The following PDE9A variants were observed in gnomAD, a reference collection of about 807,000 sequenced individuals.
The protein encoded by PDE9A is phosphodiesterase 9A.
In PDE9A, 60 loss-of-function variants were observed where a neutral mutation model predicts 87.4. That is an observed-to-expected ratio of 0.69 (90% CI 0.56 to 0.85). PDE9A has a LOEUF of 0.85. PDE9A is among the 40% of genes least tolerant of loss of function. The pLI, the probability that PDE9A is intolerant of heterozygous loss-of-function variation, is 0.00. For missense variants in PDE9A, 665 were observed against 779.0 expected, an observed-to-expected ratio of 0.85 and a Z score of 1.74; for synonymous variants, 272 against 279.4, an observed-to-expected ratio of 0.97 and a Z score of 0.27.
chr21:42,667,986 C>G (rs2058122155), intron 1 of PDE9A, among the ~76,000 whole-genome samples: 1 of 152,030 alleles, frequency 6.6e-6, no homozygotes, highest in Non-Finnish European at 1.5e-5. Context: ...GACATCCAAG[C>G]TCTCTGGGTC....
rs1167171258 is a variant in PDE9A, at chr21:42,696,182, T to C, written c.219-2786T>C. 1.3e-5 allele frequency among the ~76,000 whole-genome samples: 2 copies of C among 152,168 alleles called. No individual in the cohort carries two copies. Among genetic ancestry groups the C allele is most frequent in the Non-Finnish European group, 2.9e-5 (2 of 68,030 alleles). On this transcript the variant is annotated intron_variant, in intron 3 of 19. Coordinates refer to ENST00000291539, the MANE Select transcript of PDE9A (RefSeq NM_002606.3). This position sits in a 1 kb window ranked among gnomAD's most constrained non-coding sequence, Gnocchi z 5.1. ...TGCCCCTGTATGAGGGGAAGTTGTC[T>C]TGGTAAGCCTGTTTTTGTGTCAGGT...
At chr21:42,769,879 A>G (rs967647717) in intron 17 of PDE9A, among the ~76,000 whole-genome samples, 14 of 152,032 alleles carry the variant, frequency 9.2e-5, no homozygotes, top group African/African-American at 3.1e-4. Flanking sequence ...TGCTCCCCAC[A>G]GCCTGGCCCG....
chr21:42,662,777 CCACA>C (rs199499714), intron 1 of PDE9A, among the ~76,000 whole-genome samples: 1 of 126,886 alleles, frequency 7.9e-6, no homozygotes, highest in Non-Finnish European at 1.6e-5. Flanking sequence ...AGGACACACA[CCACA>C]CACACACACC....
intron 1 of PDE9A, among the ~76,000 whole-genome samples, chr21:42,684,804 G>A (rs995963230): frequency 1.2e-4 from 18 of 152,118 alleles, no homozygotes; most frequent in African/African-American, 4.1e-4. Flanking sequence ...ACCTTTGACC[G>A]ACCGTTACCC....
At chr21:42,685,461 GGCA>G (rs148618475) in intron 1 of PDE9A, among the ~76,000 whole-genome samples, 2 of 102,880 alleles carry the variant, frequency 1.9e-5, no homozygotes, top group African/African-American at 1.1e-4. Flanking sequence ...AATACCGAAA[GGCA>G]GTCTTTTTTT....
At chr21:42,769,493 AGGC>A (rs1403947775) in intron 17 of PDE9A, among the ~76,000 whole-genome samples, 26 of 9,694 alleles carry the variant, frequency 2.7e-3, no homozygotes, top group Non-Finnish European at 5.7e-3. Context: ...CATGCACACA[AGGC>A]ACGCAGGTAC....
chr21:42,683,480 A>G (rs1008236090), intron 1 of PDE9A, among the ~76,000 whole-genome samples: 2 of 152,182 alleles, frequency 1.3e-5, no homozygotes, highest in Non-Finnish European at 2.9e-5. Context: ...ATTTTATAGC[A>G]GAGGAAATTT....
chr21:42,670,299 A>G (rs1404441146), intron 1 of PDE9A, among the ~76,000 whole-genome samples: 1 of 144,018 alleles, frequency 6.9e-6, no homozygotes, highest in African/African-American at 2.8e-5. Flanking sequence ...ACATTCACAC[A>G]CATACACTTA....
chr21:42,723,539 G>T lies in PDE9A; in HGVS notation c.263-8231G>T, dbSNP rs1602273964. Reference sequence around the variant, plus strand: ...AATCTTCTGCCTTTATGAAAGTCATGGTATCTAGAGGTAAATCCCCATCAG... The same window carrying T: ...AATCTTCTGCCTTTATGAAAGTCATTGTATCTAGAGGTAAATCCCCATCAG... On this transcript the variant is annotated intron_variant, in intron 4 of 19. Coordinates refer to ENST00000291539, the MANE Select transcript of PDE9A (RefSeq NM_002606.3). The surrounding 1 kb of genome is among the most constrained non-coding windows in gnomAD (Gnocchi z 4.3). 6.6e-6 allele frequency among the ~76,000 whole-genome samples: 1 copy of T among 152,264 alleles called. No individual in the cohort carries two copies. The highest frequency in any genetic ancestry group is 1.9e-4 in the East Asian group (1 of 5,176).
rs7277931 is a variant in PDE9A at position 42,666,728 on chromosome 21, C to T, written c.69+12845C>T. ...ACAAGGACATCTCATTTTAAAGGCC[C>T]GGTCTCCAAATAAGGTCATATCGTG... On this transcript the variant is annotated intron_variant, in intron 1 of 19. Transcript: ENST00000291539. 2.7e-3 allele frequency among the ~76,000 whole-genome samples: 410 copies of T among 152,286 alleles called. 2 individuals carry two copies. The highest frequency in any genetic ancestry group is 9.5e-3 in the African/African-American group (395 of 41,566).
intron 4 of PDE9A, among the ~76,000 whole-genome samples, chr21:42,717,265 T>C (rs2050017918): frequency 6.6e-6 from 1 of 151,166 alleles, no homozygotes; most frequent in African/African-American, 2.4e-5. Flanking sequence ...AGTAACTAAT[T>C]CTCTCAGCTT....
intron 1 of PDE9A, among the ~76,000 whole-genome samples, chr21:42,669,595 C>T (rs1817088443): frequency 6.6e-6 from 1 of 152,190 alleles, no homozygotes; most frequent in South Asian, 2.1e-4. Context: ...ACAACCCACA[C>T]CCCACTTGGC....
chr21:42,732,641 G>A (rs1328672545), intron 6 of PDE9A, among the ~76,000 whole-genome samples: 2 of 152,240 alleles, frequency 1.3e-5, no homozygotes, highest in Non-Finnish European at 2.9e-5. Context: ...TTGGCCGGGT[G>A]CGGTGGCTCA....
chr21:42,689,109 A>G lies in PDE9A; in HGVS notation c.218+1115A>G, dbSNP rs535281082. 7.4e-4 allele frequency among the ~76,000 whole-genome samples: 88 copies of G among 119,436 alleles called. No homozygotes were observed. The South Asian group carries it at 0.023, about 31-fold the overall frequency. 78.4% of individuals were successfully genotyped at this position (119,436 alleles called of 152,430 possible). A position where few individuals can be genotyped will look rare whatever the true frequency, so the allele number is the denominator to read the frequency against. On this transcript the variant is annotated intron_variant, in intron 3 of 19. Transcript: ENST00000291539. ...TCGTGGGTGTGGCCAGCACCATCCC[A>G]CTCAGCGAGGTCCCAGTGGACATGG...
intron 4 of PDE9A, among the ~76,000 whole-genome samples, chr21:42,715,246 ATTG>A: frequency 6.8e-6 from 1 of 147,004 alleles, no homozygotes; most frequent in South Asian, 2.1e-4. Flanking sequence ...TCACGGCAAA[ATTG>A]AGTGAAAAGT....
intron 3 of PDE9A, chr21:42,697,515 A>C: frequency 6.9e-7 from 1 of 1,442,844 alleles, no homozygotes; most frequent in Middle Eastern, 1.7e-4. Flanking sequence ...GTTTGTCTTC[A>C]TCTTCTTAAC....
intron 1 of PDE9A, among the ~76,000 whole-genome samples, chr21:42,663,951 G>T (rs560660420): frequency 2.8e-4 from 42 of 152,226 alleles, no homozygotes; most frequent in Non-Finnish European, 4.9e-4. Flanking sequence ...CCAGGTCCTT[G>T]CTGGGGTCTG....
At position 42,732,075 on chromosome 21, in the gene PDE9A, G is replaced by A; in HGVS notation, c.448G>A (p.Glu150Lys). The A allele has an allele frequency of 1.9e-6, 3 of 1,614,230 alleles. No individual in the cohort carries two copies. The highest frequency in any genetic ancestry group is 2.5e-6 in the Non-Finnish European group (3 of 1,179,998). The change falls in exon 6 of 20, where the codon GAA (glutamate) becomes AAA (lysine). Residue 150 changes from glutamate to lysine, a missense_variant. Physicochemically the swap from Glu to Lys is moderately conservative, Grantham distance 56 (BLOSUM62 1). Transcript: ENST00000291539. ...CTTTCTTCTTTGGTTTGTAGAGAGAGAAGAATTAATCCAGAGCGTGCTGGC... is the reference window on the plus strand; with the variant it reads ...CTTTCTTCTTTGGTTTGTAGAGAGAAAAGAATTAATCCAGAGCGTGCTGGC... ...QEGQRIPPER[E>K]ELIQSVLAQV...
Position 42,760,854 on chromosome 21 carries a change from C to G in PDE9A, c.1032C>G (p.Ile344Met). 3.7e-6 allele frequency: 6 copies of G among 1,610,426 alleles called. No homozygotes were observed. Among genetic ancestry groups the G allele is most frequent in the Non-Finnish European group, 5.1e-6 (6 of 1,176,890 alleles). The change falls in exon 13 of 20, where the codon ATC becomes ATG. Residue 344 changes from isoleucine to methionine, a missense_variant. Ile to Met is a conservative substitution (Grantham distance 10). Transcript: ENST00000291539. The surrounding 1 kb of genome is among the most constrained non-coding windows in gnomAD (Gnocchi z 5.2). ...AGTTCTCACAAACGGATATCCTGAT[C>G]CTAATGACAGCGGCCATCTGCCACG... ...QEKFSQTDIL[I>M]LMTAAICHDL...
Sources: gnomAD v4.1 joint callset for allele counts (sites outside exome capture counted in the v4.1 genomes callset) on GRCh38, gnomAD v4.1.1 for gene constraint, Gnocchi (gnomAD v3.1) non-coding constraint, MANE v1.5 for transcripts, NCBI Gene and HGNC (gene_info 2026-07-23, HGNC 2026-07-21) for gene names.